The following PCDHGB3 variants were observed in gnomAD, a reference collection of about 807,000 sequenced individuals.
PCDHGB3 encodes the protein protocadherin gamma-B3.
In PCDHGB3, 40 loss-of-function variants were observed where a neutral mutation model predicts 59.2. The observed-to-expected ratio is 0.68, with a 90% CI of 0.52 to 0.88. PCDHGB3 has a LOEUF of 0.88. Ranked by LOEUF, PCDHGB3 falls within the 40% of genes least tolerant of loss-of-function variation. PCDHGB3 has a pLI of 0.00. For synonymous variants in PCDHGB3, 581 were observed against 503.6 expected (o/e 1.15, Z -2.06); for missense variants, 1,309 against 1,187.9 (o/e 1.10, Z -1.50).
At chr5:141,427,659 G>A (rs546743297) in intron 1 of PCDHGB3, 3 of 742,336 alleles carry the variant, frequency 4.0e-6, no homozygotes, top group East Asian at 5.3e-5. Context: ...CGTGGTCCAC[G>A]TGGCCGAAAA....
chr5:141,452,914 TAAGA>T (rs1164409830), intron 1 of PCDHGB3, among the ~76,000 whole-genome samples: 1 of 152,226 alleles, frequency 6.6e-6, no homozygotes, highest in African/African-American at 2.4e-5. Flanking sequence ...CATTATACAG[TAAGA>T]AAGAGCTGCT....
At position 141,432,660 on chromosome 5, in the gene PCDHGB3, A is replaced by G; in HGVS notation, c.2415+59851A>G. The G allele has an allele frequency of 6.2e-7, 1 of 1,613,768 alleles. No individual in the cohort carries two copies. Among genetic ancestry groups the G allele is most frequent in the African/African-American group, 1.3e-5 (1 of 75,026 alleles). ...GTGCGCACGGCGCGAGCCCTGCTGG[A>G]CAGAGACGCGCTCAAGCAGAGCCTC... On this transcript the variant is annotated intron_variant, in intron 1 of 3. Coordinates refer to ENST00000576222, the MANE Select transcript of PCDHGB3 (RefSeq NM_018924.5). The surrounding 1 kb of genome is among the most constrained non-coding windows in gnomAD (Gnocchi z 6.0).
At chr5:141,400,154 T>G in intron 1 of PCDHGB3, 1 of 1,614,076 alleles carries the variant, frequency 6.2e-7, no homozygotes, top group Non-Finnish European at 8.5e-7. Context: ...GACCGCCCTG[T>G]ACCCTCTGAC....
Position 141,372,655 on chromosome 5 carries a change from C to T in PCDHGB3, c.2261C>T (p.Pro754Leu), listed in dbSNP as rs1424749894. 2.5e-6 allele frequency: 4 copies of T among 1,613,986 alleles called. No homozygotes were observed. The South Asian group carries it at 3.3e-5, about 13-fold the overall frequency. ...AGGACTTTGCCTTATTCCTACAATC[C>T]GTGTGCTGCCTCACATTCCTCAAAC... ...SERTLPYSYN[P>L]CAASHSSNTE... Residue 754 changes from proline (P) to leucine (L), a missense_variant, in exon 1 of 4, where the codon CCG becomes CTG. Physicochemically the swap from Pro to Leu is moderately conservative, Grantham distance 98 (BLOSUM62 -3). Coordinates refer to ENST00000576222, the MANE Select transcript of PCDHGB3 (RefSeq NM_018924.5).
At chr5:141,388,728 A>G (rs377444638) in intron 1 of PCDHGB3, 11 of 1,613,902 alleles carry the variant, frequency 6.8e-6, no homozygotes, top group Admixed American at 1.7e-5. Flanking sequence ...TTTCTCTTTC[A>G]GTGAAGCTAG....
At chr5:141,409,011 A>T in intron 1 of PCDHGB3, 1 of 1,613,974 alleles carries the variant, frequency 6.2e-7, no homozygotes, top group Non-Finnish European at 8.5e-7. Context: ...ACTGACCAGG[A>T]TGAGGGGGTC....
At chr5:141,415,467 C>T (rs754252558) in intron 1 of PCDHGB3, 2 of 1,614,080 alleles carry the variant, frequency 1.2e-6, no homozygotes, top group African/African-American at 1.3e-5. Context: ...TCTCTCTCAC[C>T]GCGGACTCGC....
chr5:141,373,336 T>C (rs1769491453), intron 1 of PCDHGB3, among the ~76,000 whole-genome samples: 1 of 152,216 alleles, frequency 6.6e-6, no homozygotes, highest in South Asian at 2.1e-4. Flanking sequence ...GCATCTAAAA[T>C]GGCAACTCTT....
At position 141,485,163 on chromosome 5, in the gene PCDHGB3, G is replaced by A. The variant is rs2099608470; in HGVS notation, c.2416-9644G>A. 14 of 1,604,624 alleles carry A rather than the reference G, an allele frequency of 8.7e-6. No individual in the cohort carries two copies. The highest frequency in any genetic ancestry group is 1.1e-5 in the Non-Finnish European group (13 of 1,172,560). ...TCTCAGGAGCAAGTAGAGAATTAGCGGGCGGCAGCAATGCTCCGCAAGGTG... is the reference window on the plus strand; with the variant it reads ...TCTCAGGAGCAAGTAGAGAATTAGCAGGCGGCAGCAATGCTCCGCAAGGTG... On this transcript the variant is annotated intron_variant, in intron 1 of 3. Coordinates refer to ENST00000576222, the MANE Select transcript of PCDHGB3 (RefSeq NM_018924.5). The surrounding 1 kb of genome is among the most constrained non-coding windows in gnomAD (Gnocchi z 5.7).
intron 1 of PCDHGB3, among the ~76,000 whole-genome samples, chr5:141,474,114 C>T (rs940809934): frequency 2.6e-5 from 4 of 152,224 alleles, no homozygotes; most frequent in South Asian, 2.1e-4. Context: ...ACAACAACAA[C>T]GAAAATCTCA....
At chr5:141,423,409 G>T (rs1168604361) in intron 1 of PCDHGB3, 1 of 1,614,148 alleles carries the variant, frequency 6.2e-7, no homozygotes, top group South Asian at 1.1e-5. Flanking sequence ...CCTGCTGCAG[G>T]CTTCTGAAGG....
rs752402965 is a variant in PCDHGB3, at chr5:141,491,400, C to G, written c.2416-3407C>G. The G allele has an allele frequency of 2.7e-5, 44 of 1,613,990 alleles. No individual in the cohort carries two copies. The highest frequency in any genetic ancestry group is 3.5e-5 in the Non-Finnish European group (41 of 1,179,996). On this transcript the variant is annotated intron_variant, in intron 1 of 3. Coordinates refer to ENST00000576222, the MANE Select transcript of PCDHGB3 (RefSeq NM_018924.5). The surrounding 1 kb of genome is among the most constrained non-coding windows in gnomAD (Gnocchi z 6.9). ...TGTCAGCGAAGTGCCTTCAGGGAAA[C>G]GCAGACGGGGACGGGGGTGGAGGGC... is the stretch of plus-strand genomic sequence containing the variant.
chr5:141,413,835 CG>C, intron 1 of PCDHGB3: 2 of 1,613,258 alleles, frequency 1.2e-6, no homozygotes, highest in South Asian at 1.1e-5. Context: ...CCGCCTCCGA[CG>C]GGGGTGACCC....
intron 1 of PCDHGB3, chr5:141,430,946 G>C: frequency 6.2e-7 from 1 of 1,609,494 alleles, no homozygotes. Context: ...CGCGGAGCGC[G>C]GAGTCCGCAT....
intron 1 of PCDHGB3, chr5:141,400,181 A>T: frequency 6.2e-7 from 1 of 1,614,034 alleles, no homozygotes; most frequent in Non-Finnish European, 8.5e-7. Flanking sequence ...GCTGAGCTGC[A>T]GTTTTACCTA....
chr5:141,389,576 G>C, intron 1 of PCDHGB3: 1 of 1,613,196 alleles, frequency 6.2e-7, no homozygotes, highest in East Asian at 2.2e-5. Context: ...TGTACCCCGC[G>C]CTGGGTCCCG....
Position 141,489,398 on chromosome 5 carries a change from G to A in PCDHGB3, c.2416-5409G>A, listed in dbSNP as rs2099686644. On this transcript the variant is annotated intron_variant, in intron 1 of 3. Transcript: ENST00000576222. This position sits in a 1 kb window ranked among gnomAD's most constrained non-coding sequence, Gnocchi z 4.5. The stretch of plus-strand genomic sequence containing the variant: ...GTGGGGAATGTTGCTCAGGATCTGG[G>A]CTTAAAGATGACAGATCTGTTGAGC... 6.2e-7 allele frequency: 1 copy of A among 1,614,064 alleles called. No homozygotes were observed. The highest frequency in any genetic ancestry group is 1.3e-5 in the African/African-American group (1 of 74,910).
chr5:141,442,697 G>C (rs1443734141), intron 1 of PCDHGB3, among the ~76,000 whole-genome samples: 2 of 152,258 alleles, frequency 1.3e-5, no homozygotes, highest in East Asian at 1.9e-4. Flanking sequence ...AGGCAGACAA[G>C]AGTATCAGAC....
rs947567666 is a variant in PCDHGB3, at chr5:141,422,270, T to C, written c.2415+49461T>C. ...GATGTGAATGATAACGCTCCAGAAA[T>C]AACTATCACCTCTTCTATTAATTCA... On this transcript the variant is annotated intron_variant, in intron 1 of 3. Transcript: ENST00000576222. 2.6e-6 allele frequency: 4 copies of C among 1,562,452 alleles called. No homozygotes were observed. The East Asian group carries it at 9.0e-5, about 35-fold the overall frequency.
Sources: gnomAD v4.1 joint callset for allele counts (sites outside exome capture counted in the v4.1 genomes callset) on GRCh38, gnomAD v4.1.1 for gene constraint, Gnocchi (gnomAD v3.1) non-coding constraint, MANE v1.5 for transcripts, NCBI Gene and HGNC (gene_info 2026-07-23, HGNC 2026-07-21) for gene names.